VWF: variants seen among roughly 807,000 people sequenced by gnomAD.
VWF encodes Factor VIII related antigen.
VWF carries 176 observed loss-of-function variants against 308.6 expected under a neutral mutation model. The observed-to-expected ratio is 0.57, with a 90% CI of 0.50 to 0.65. The LOEUF is 0.65. Ranked by LOEUF, VWF falls within the 30% of genes least tolerant of loss-of-function variation. VWF has a pLI of 0.00. For missense variants in VWF, 3,146 were observed against 3,648.2 expected (o/e 0.86, Z 3.55); for synonymous variants, 1,385 against 1,443.4 (o/e 0.96, Z 0.92).
chr12:5,983,401 G>GGACAGATAGATA, intron 40 of VWF, 147 bp from the exon 41 acceptor site: 4 of 479,326 alleles, frequency 8.3e-6, no homozygotes, highest in South Asian at 7.9e-5. Flanking sequence ...ACATGGGTTA[G>GGACAGATAGATA]GATAGATAGA....
At chr12:6,120,499 C>T (rs1341082216) in intron 3 of VWF, among the ~76,000 whole-genome samples, 2 of 152,088 alleles carry the variant, frequency 1.3e-5, no homozygotes, top group African/African-American at 2.4e-5. Flanking sequence ...GATGGGGTTT[C>T]ACCATGTTGG....
At chr12:6,109,584 C>A (rs1748956944) in intron 5 of VWF, among the ~76,000 whole-genome samples, 1 of 152,030 alleles carries the variant, frequency 6.6e-6, no homozygotes, top group African/African-American at 2.4e-5. Context: ...TTAGCTTTGG[C>A]AAGGGAACAT....
At chr12:6,062,891 A>G (rs1452080456) in intron 13 of VWF, 63 bp downstream of exon 13, 3 of 1,375,442 alleles carry the variant, frequency 2.2e-6, no homozygotes, top group Non-Finnish European at 3.0e-6. Context: ...TTCTACCCAG[A>G]GCACAAGGGG....
intron 47 of VWF, among the ~76,000 whole-genome samples, chr12:5,966,398 A>C (rs1271246977): frequency 6.6e-6 from 1 of 152,208 alleles, no homozygotes; most frequent in Non-Finnish European, 1.5e-5. Context: ...CTTCCTAATT[A>C]AGGAATGCTC....
intron 40 of VWF, among the ~76,000 whole-genome samples, chr12:5,983,794 G>GAT (rs1555191860): frequency 6.7e-6 from 1 of 148,656 alleles, no homozygotes; most frequent in South Asian, 2.2e-4. Flanking sequence ...AGATACAATA[G>GAT]AGATAGATAG....
intron 6 of VWF, among the ~76,000 whole-genome samples, chr12:6,086,885 T>C (rs924009250): frequency 6.6e-6 from 1 of 152,182 alleles, no homozygotes; most frequent in African/African-American, 2.4e-5. Flanking sequence ...GCTGTGATTA[T>C]TCAAAGTCAA....
At chr12:5,993,713 T>C in intron 37 of VWF, 149 bp downstream of exon 37, 8 of 662,408 alleles carry the variant, frequency 1.2e-5, no homozygotes, top group South Asian at 1.0e-4. Flanking sequence ...ATATCTTCCA[T>C]CTTATTTGAT....
At chr12:6,064,207 G>A in intron 12 of VWF, 39 bp downstream of exon 12, 1 of 1,613,928 alleles carries the variant, frequency 6.2e-7, no homozygotes, top group African/African-American at 1.3e-5. Context: ...GGGATGGGCT[G>A]TGCCAGCCCC....
At chr12:6,123,270 G>T in intron 1 of VWF, 74 bp from the exon 2 acceptor site, 1 of 1,501,710 alleles carries the variant, frequency 6.7e-7, no homozygotes, top group Non-Finnish European at 9.3e-7. Flanking sequence ...GACTATCAGG[G>T]CATGCAGTAG....
intron 43 of VWF, among the ~76,000 whole-genome samples, chr12:5,973,157 C>G (rs1330941188): frequency 1.3e-5 from 2 of 152,180 alleles, no homozygotes; most frequent in African/African-American, 4.8e-5. Context: ...CCCACAGCAA[C>G]CCTGTTTTCT....
At chr12:6,095,335 G>C (rs1372334408) in intron 6 of VWF, 125 bp downstream of exon 6, 2 of 1,459,078 alleles carry the variant, frequency 1.4e-6, no homozygotes, top group Non-Finnish European at 1.9e-6. Flanking sequence ...AGTTAGTTTT[G>C]GAGGAAATGG....
In VWF at chr12:6,089,241, G is replaced by A. The variant is rs568971097; in HGVS notation, c.657+6219C>T. 3.3e-5 allele frequency among the ~76,000 whole-genome samples: 5 copies of A among 152,294 alleles called. No homozygotes were observed. In the South Asian group the frequency reaches 1.0e-3, roughly 32 times the overall value. On this transcript the variant is annotated intron_variant, in intron 6 of 51. Transcript: ENST00000261405. ...GGGAGACGAGTCATTGTGCTTCCGA[G>A]CCAGTGAAAAAACCTCGGTTGTGGG...
chr12:5,985,427 A>C, intron 39 of VWF, 136 bp downstream of exon 39: 1 of 1,000,556 alleles, frequency 1.0e-6, no homozygotes, highest in African/African-American at 1.6e-5. Flanking sequence ...CAGGCTGGGC[A>C]AGGAAGCCCA....
At chr12:6,049,330 G>A (rs1944481861) in intron 16 of VWF, among the ~76,000 whole-genome samples, 1 of 152,180 alleles carries the variant, frequency 6.6e-6, no homozygotes, top group Admixed American at 6.5e-5. Context: ...AGACAAGGAG[G>A]ACGCAGACAT....
At chr12:6,037,434 T>A (rs1183047546) in intron 18 of VWF, among the ~76,000 whole-genome samples, 1 of 152,148 alleles carries the variant, frequency 6.6e-6, no homozygotes, top group African/African-American at 2.4e-5. Flanking sequence ...CCCGGTTCAC[T>A]CTCCATGGGG....
rs772006599 is a variant in VWF, at chr12:6,075,341, C to T, written c.868G>A (p.Ala290Thr). The T allele has an allele frequency of 7.4e-6, 12 of 1,613,858 alleles. No individual in the cohort carries two copies. The Admixed American group carries it at 1.0e-4, about 13-fold the overall frequency. Residue 290 changes from alanine to threonine, a missense_variant, in exon 7 of 52, where the codon GCG becomes ACG. Coordinates refer to ENST00000261405, the MANE Select transcript of VWF (RefSeq NM_000552.5). This position sits in a 1 kb window ranked among gnomAD's most constrained non-coding sequence, Gnocchi z 4.7. ...GGGCAGGGGGCCGACTTACTGCACG[C>T]GCTGTGGTCGGTCCAGCCGTACAGC... ...MVLYGWTDHS[A>T]CSPVCPAGME...
chr12:5,982,069 A>T, intron 41 of VWF, 78 bp from the exon 42 acceptor site: 6 of 1,396,250 alleles, frequency 4.3e-6, no homozygotes, highest in Non-Finnish European at 6.0e-6. Flanking sequence ...ATAGGGTGCC[A>T]GGGAGCTTTA....
chr12:6,064,212 A>G, intron 12 of VWF, 34 bp downstream of exon 12: 1 of 1,613,934 alleles, frequency 6.2e-7, no homozygotes, highest in Non-Finnish European at 8.5e-7. Context: ...GGGCTGTGCC[A>G]GCCCCAGGCC....
At chr12:5,967,712 C>T (rs546168178) in intron 46 of VWF, 110 bp from the exon 47 acceptor site, 35 of 955,884 alleles carry the variant, frequency 3.7e-5, no homozygotes, top group African/African-American at 1.3e-4. Flanking sequence ...CATGAGCCAT[C>T]GCTCTGCTGC....
Sources: allele counts gnomAD v4.1 joint callset (sites outside exome capture counted in the v4.1 genomes callset), GRCh38; gene constraint gnomAD v4.1.1; non-coding constraint Gnocchi (gnomAD v3.1); transcripts MANE v1.5; gene names NCBI Gene and HGNC (gene_info 2026-07-23, HGNC 2026-07-21).